Variants in NYAP2 observed in about 807,000 individuals in gnomAD.
NYAP2 encodes neuronal tyrosine-phosphorylated phosphoinositide-3-kinase adapter 2.
NYAP2 carries 23 observed loss-of-function variants against 50.4 expected under a neutral mutation model. The ratio of observed to expected loss-of-function variants is 0.46; its 90% confidence interval spans 0.33 to 0.65. The LOEUF (loss-of-function observed/expected upper bound fraction) is 0.65. Among genes scored for constraint, NYAP2 ranks in the 30% least tolerant of loss-of-function variants. NYAP2 has a pLI of 0.02. For missense variants in NYAP2, 885 were observed against 861.0 expected, an observed-to-expected ratio of 1.03 and a Z score of -0.35; for synonymous variants, 394 against 365.2, an observed-to-expected ratio of 1.08 and a Z score of -0.90.
At chr2:225,596,142 C>T (rs1028982368) in intron 5 of NYAP2, among the ~76,000 whole-genome samples, 1 of 152,162 alleles carries the variant, frequency 6.6e-6, no homozygotes, top group Non-Finnish European at 1.5e-5. Flanking sequence ...AGCAATCCTC[C>T]TGCATCAGCC....
intron 3 of NYAP2, among the ~76,000 whole-genome samples, chr2:225,492,911 T>G (rs1690433216): frequency 6.6e-6 from 1 of 152,050 alleles, no homozygotes; most frequent in African/African-American, 2.4e-5. Flanking sequence ...AACATGAGAT[T>G]TAGAGGGGAG....
chr2:225,592,900 T>A (rs1183080699), intron 5 of NYAP2, among the ~76,000 whole-genome samples: 1 of 152,228 alleles, frequency 6.6e-6, no homozygotes, highest in Non-Finnish European at 1.5e-5. Flanking sequence ...CTGCTTTAGA[T>A]GTATAAAATG....
chr2:225,620,012 C>T (rs1481373345), intron 5 of NYAP2, among the ~76,000 whole-genome samples: 5 of 152,132 alleles, frequency 3.3e-5, no homozygotes, highest in Admixed American at 2.0e-4. Context: ...CAGTTGGCAC[C>T]GTGAGCTACA....
intron 3 of NYAP2, among the ~76,000 whole-genome samples, chr2:225,510,667 T>C (rs576604438): frequency 2.6e-5 from 4 of 152,312 alleles, no homozygotes; most frequent in Admixed American, 6.5e-5. Context: ...AAATTTGTTT[T>C]TGTCCTATTT....
chr2:225,603,738 T>A (rs143772863), intron 5 of NYAP2, among the ~76,000 whole-genome samples: 1 of 152,304 alleles, frequency 6.6e-6, no homozygotes, highest in African/African-American at 2.4e-5. Context: ...CTGGTGACAC[T>A]CAGAAGATAG....
In NYAP2 at chr2:225,580,780, GAAGA is replaced by G. The variant is rs577987545; in HGVS notation, c.524-1160_524-1157del. On this transcript the variant is annotated intron_variant, in intron 4 of 6. Coordinates refer to ENST00000636099, the Ensembl canonical transcript of NYAP2. ...ATTAGGCCAGTTAAAAAAAAAAAAG[GAAGA>G]CTCAGGTGTTTCCCGATTTGTGCCT... Among the ~76,000 whole-genome samples the G allele has an allele frequency of 5.1e-3, 770 of 151,572 alleles. 5 individuals are homozygous for G. The highest frequency in any genetic ancestry group is 0.014 in the Middle Eastern group (4 of 294).
At chr2:225,490,549 G>A (rs937117026) in intron 3 of NYAP2, among the ~76,000 whole-genome samples, 1 of 152,130 alleles carries the variant, frequency 6.6e-6, no homozygotes, top group Admixed American at 6.5e-5. Flanking sequence ...ATAAGTAGCA[G>A]CTACTGTTCT....
At chr2:225,478,122 C>G (rs984182228) in intron 3 of NYAP2, among the ~76,000 whole-genome samples, 4 of 152,084 alleles carry the variant, frequency 2.6e-5, no homozygotes, top group Non-Finnish European at 5.9e-5. Flanking sequence ...GAAGTTTAAT[C>G]GGGTGCTATC....
intron 3 of NYAP2, among the ~76,000 whole-genome samples, chr2:225,493,451 G>A (rs1287706638): frequency 6.6e-6 from 1 of 152,184 alleles, no homozygotes; most frequent in Non-Finnish European, 1.5e-5. Flanking sequence ...CATGTACAGG[G>A]TGACCAACAT....
At chr2:225,589,377 A>G (rs964763256) in intron 5 of NYAP2, among the ~76,000 whole-genome samples, 4 of 150,798 alleles carry the variant, frequency 2.7e-5, no homozygotes, top group South Asian at 4.2e-4. Context: ...CCTATTTAAT[A>G]TACATTTTGA....
intron 4 of NYAP2, among the ~76,000 whole-genome samples, chr2:225,563,921 C>T (rs147429374): frequency 4.6e-5 from 7 of 152,032 alleles, no homozygotes; most frequent in East Asian, 3.9e-4. Context: ...AAAAGCCACA[C>T]GGGGAATAAT....
At chr2:225,526,498 C>T (rs1173016349) in intron 4 of NYAP2, among the ~76,000 whole-genome samples, 1 of 152,170 alleles carries the variant, frequency 6.6e-6, no homozygotes. Flanking sequence ...ACATATGTAG[C>T]CCTTTGAATA....
At chr2:225,452,762 C>A (rs762909714) in intron 3 of NYAP2, among the ~76,000 whole-genome samples, 5 of 152,136 alleles carry the variant, frequency 3.3e-5, no homozygotes, top group Non-Finnish European at 5.9e-5. Flanking sequence ...TCCACTAATG[C>A]AGTCATGCAC....
intron 3 of NYAP2, among the ~76,000 whole-genome samples, chr2:225,435,352 C>G (rs1156562765): frequency 6.6e-6 from 1 of 152,154 alleles, no homozygotes; most frequent in Non-Finnish European, 1.5e-5. Flanking sequence ...TACTGAAACT[C>G]AACTGTGCCC....
chr2:225,480,856 T>C (rs1356986750), intron 3 of NYAP2, among the ~76,000 whole-genome samples: 1 of 152,138 alleles, frequency 6.6e-6, no homozygotes, highest in African/African-American at 2.4e-5. Context: ...GTTGCTATAC[T>C]TTAGTCCAAC....
chr2:225,652,555 A>G (rs1286078051), exon 7 of NYAP2: 1 of 152,154 alleles, frequency 6.6e-6, no homozygotes, highest in Non-Finnish European at 1.5e-5. Flanking sequence ...CAATACATTG[A>G]CTTAATTTGT....
chr2:225,652,285 C>T (rs1436858054), exon 7 of NYAP2: 1 of 152,086 alleles, frequency 6.6e-6, no homozygotes, highest in Non-Finnish European at 1.5e-5. Flanking sequence ...AAATGAATGA[C>T]TTTTCTCTCT....
intron 5 of NYAP2, among the ~76,000 whole-genome samples, chr2:225,600,473 G>T (rs1461936308): frequency 6.6e-6 from 1 of 152,132 alleles, no homozygotes; most frequent in Non-Finnish European, 1.5e-5. Flanking sequence ...AAGGGGGTTT[G>T]TTTTGGAAAA....
At chr2:225,408,971 T>C (rs1694986306) in exon 3 of NYAP2, 1 of 1,612,222 alleles carries the variant, frequency 6.2e-7, no homozygotes, top group East Asian at 2.2e-5. Context: ...GATGAAGGCC[T>C]ATGATGGCTT....
Sources: gnomAD v4.1 joint callset for allele counts (sites outside exome capture counted in the v4.1 genomes callset) on GRCh38, gnomAD v4.1.1 for gene constraint, MANE v1.5 for transcripts, NCBI Gene and HGNC (gene_info 2026-07-23, HGNC 2026-07-21) for gene names.